The following SEPTIN11 variants were observed in gnomAD, a reference collection of about 807,000 sequenced individuals.
SEPTIN11 encodes the protein septin 11.
In SEPTIN11, 25 loss-of-function variants were observed where a neutral mutation model predicts 51.4. That is an observed-to-expected ratio of 0.49 (90% confidence interval 0.35 to 0.68). The LOEUF (loss-of-function observed/expected upper bound fraction) is 0.68, where lower values mean the gene tolerates loss of function less well. SEPTIN11 is among the 30% of genes least tolerant of loss of function. The probability of loss-of-function intolerance (pLI) is 0.00; values close to 1 mark genes in which losing one functional copy is unlikely to be tolerated. For synonymous variants in SEPTIN11, 174 were observed against 184.1 expected (o/e 0.95, Z 0.44); for missense variants, 381 against 520.8 (o/e 0.73, Z 2.61).
chr4:77,004,831 CAT>C (rs1724367694), intron 2 of SEPTIN11, among the ~76,000 whole-genome samples: 2 of 152,116 alleles, frequency 1.3e-5, no homozygotes, highest in South Asian at 4.2e-4. Flanking sequence ...GGTGTGGTGA[CAT>C]GTGCCTGTAA....
intron 1 of SEPTIN11, among the ~76,000 whole-genome samples, chr4:76,987,549 G>A (rs1299677062): frequency 6.6e-6 from 1 of 152,124 alleles, no homozygotes; most frequent in Non-Finnish European, 1.5e-5. Context: ...TTTCCCTTTT[G>A]CATGAGAACT....
intron 7 of SEPTIN11, among the ~76,000 whole-genome samples, chr4:77,028,165 C>A (rs763010794): frequency 6.6e-6 from 1 of 152,174 alleles, no homozygotes. Context: ...GTAAGTGTCA[C>A]TGTATCCACG....
At position 77,037,769 on chromosome 4, in the gene SEPTIN11, T is replaced by C; in HGVS notation, c.*3257T>C. The C allele has an allele frequency of 2.0e-6, 2 of 985,908 alleles. No individual in the cohort carries two copies. The highest frequency in any genetic ancestry group is 2.4e-6 in the Non-Finnish European group (2 of 829,940). 61.1% of individuals were successfully genotyped at this position (985,908 alleles called of 1,614,324 possible). On this transcript the variant is annotated 3_prime_UTR_variant, in exon 10 of 10. Coordinates refer to ENST00000264893, the MANE Select transcript of SEPTIN11 (RefSeq NM_018243.4). The stretch of plus-strand genomic sequence containing the variant: ...GAGAATTTATTGGCAGTTCAGATTG[T>C]GTTTTCCCAACTTAGGCTCTTTATT...
chr4:76,979,279 C>A (rs1722645752), intron 1 of SEPTIN11, among the ~76,000 whole-genome samples: 1 of 152,124 alleles, frequency 6.6e-6, no homozygotes. Context: ...AAATAAGAAG[C>A]AATGGTGTCT....
In SEPTIN11 at chr4:77,035,468, C is replaced by G; in HGVS notation, c.*956C>G. 3 of 985,342 alleles carry G rather than the reference C, an allele frequency of 3.0e-6. No individual in the cohort carries two copies. The highest frequency in any genetic ancestry group is 3.6e-6 in the Non-Finnish European group (3 of 829,894). 61.0% of individuals were successfully genotyped at this position (985,342 alleles called of 1,614,324 possible). On this transcript the variant is annotated 3_prime_UTR_variant, in exon 10 of 10. Coordinates refer to ENST00000264893, the MANE Select transcript of SEPTIN11 (RefSeq NM_018243.4). ...AATCATGAGAAAATTTCCACAGATA[C>G]TTCCCTTAGAAAATTTGCTATAAAC... is the stretch of plus-strand genomic sequence containing the variant.
At chr4:77,012,784 C>T (rs1358789218) in intron 4 of SEPTIN11, among the ~76,000 whole-genome samples, 2 of 152,206 alleles carry the variant, frequency 1.3e-5, no homozygotes, top group Non-Finnish European at 2.9e-5. Flanking sequence ...TCTCAACTGT[C>T]CTTTAAAGGG....
At chr4:77,039,277 G>GTGAC (rs2109995940), downstream of SEPTIN11, 1 of 1,126,112 alleles carries the variant, frequency 8.9e-7, no homozygotes, top group East Asian at 7.1e-5. Flanking sequence ...GGATACTGAA[G>GTGAC]TGACTTACCA....
In SEPTIN11 at chr4:76,984,552, A is replaced by G. The variant is rs1178809681; in HGVS notation, c.28-11873A>G. Among the ~76,000 whole-genome samples the G allele has an allele frequency of 1.3e-5, 2 of 152,224 alleles. No homozygotes were observed. The highest frequency in any genetic ancestry group is 2.4e-5 in the African/African-American group (1 of 41,468). ...ATAGAAATAGATGAACTGAGCCACA[A>G]TATTTCTCAAACAGGAAATACTGAG... is the stretch of plus-strand genomic sequence containing the variant. On this transcript the variant is annotated intron_variant, in intron 1 of 9. Coordinates refer to ENST00000264893, the MANE Select transcript of SEPTIN11 (RefSeq NM_018243.4). This position sits in a 1 kb window ranked among gnomAD's most constrained non-coding sequence, Gnocchi z 4.1.
At chr4:76,999,794 T>C (rs1723994932) in intron 2 of SEPTIN11, among the ~76,000 whole-genome samples, 1 of 152,204 alleles carries the variant, frequency 6.6e-6, no homozygotes. Context: ...TTCATTTCAC[T>C]GGGAAGAGAA....
intron 7 of SEPTIN11, 72 bp downstream of exon 7, chr4:77,020,742 T>C (rs1158916206): frequency 4.2e-6 from 6 of 1,415,406 alleles, no homozygotes; most frequent in Non-Finnish European, 5.8e-6. Flanking sequence ...ATCACAGAAA[T>C]GCTTGCTGGA....
chr4:76,956,962 A>ATGTGTGTGTGTGTG (rs202035045), intron 1 of SEPTIN11, among the ~76,000 whole-genome samples: 7,785 of 118,354 alleles, frequency 0.066, 370 homozygotes, highest in Non-Finnish European at 0.07. Context: ...TAGTAGAATG[A>ATGTGTGTGTGTGTG]TGTGTGTGTG....
chr4:76,997,355 A>T (rs1723794887), intron 2 of SEPTIN11, among the ~76,000 whole-genome samples: 1 of 152,174 alleles, frequency 6.6e-6, no homozygotes, highest in East Asian at 1.9e-4. Flanking sequence ...AATGTGTCAG[A>T]CTTACTTTTC....
At chr4:76,966,133 G>A (rs1722027778) in intron 1 of SEPTIN11, among the ~76,000 whole-genome samples, 1 of 152,180 alleles carries the variant, frequency 6.6e-6, no homozygotes, top group Non-Finnish European at 1.5e-5. Context: ...CTGTGTTGCA[G>A]TTTAGTCCAG....
intron 5 of SEPTIN11, among the ~76,000 whole-genome samples, chr4:77,018,897 T>C (rs1407758964): frequency 2.0e-5 from 3 of 152,250 alleles, no homozygotes; most frequent in Non-Finnish European, 4.4e-5. Context: ...ATATAGTTAG[T>C]GGCTACTGCA....
chr4:76,962,836 C>T (rs1721878488), intron 1 of SEPTIN11, among the ~76,000 whole-genome samples: 1 of 152,156 alleles, frequency 6.6e-6, no homozygotes, highest in African/African-American at 2.4e-5. Flanking sequence ...CACACACAAA[C>T]ACACACTCAC....
intron 8 of SEPTIN11, among the ~76,000 whole-genome samples, chr4:77,029,256 G>A (rs1402438619): frequency 6.6e-6 from 1 of 152,120 alleles, no homozygotes; most frequent in Admixed American, 6.5e-5. Context: ...CCTTACCTTA[G>A]TCCCCTCCCC....
chr4:77,025,444 C>T (rs2109977975), intron 7 of SEPTIN11, among the ~76,000 whole-genome samples: 1 of 151,990 alleles, frequency 6.6e-6, no homozygotes, highest in African/African-American at 2.4e-5. Context: ...ACTCGAAAAG[C>T]TGAAGTGGGA....
chr4:76,956,962 A>ATGTGTGTGTGTGTGTG (rs202035045), intron 1 of SEPTIN11, among the ~76,000 whole-genome samples: 3,868 of 118,634 alleles, frequency 0.033, 108 homozygotes, highest in African/African-American at 0.054. Context: ...TAGTAGAATG[A>ATGTGTGTGTGTGTGTG]TGTGTGTGTG....
chr4:77,032,236 G>A (rs1363590914), intron 9 of SEPTIN11: 3 of 152,210 alleles, frequency 2.0e-5, no homozygotes, highest in African/African-American at 7.2e-5. Flanking sequence ...TATCACCAGA[G>A]CAAGGGAGGA....
Sources: gnomAD v4.1 joint callset for allele counts (sites outside exome capture counted in the v4.1 genomes callset) on GRCh38, gnomAD v4.1.1 for gene constraint, Gnocchi (gnomAD v3.1) non-coding constraint, MANE v1.5 for transcripts, NCBI Gene and HGNC (gene_info 2026-07-23, HGNC 2026-07-21) for gene names.